The following COL28A1 variants were observed in gnomAD, a reference collection of about 807,000 sequenced individuals.
COL28A1 encodes the protein collagen alpha-1(XXVIII) chain.
A neutral mutation model predicts 150.2 loss-of-function variants in COL28A1; 161 were observed. That is an observed-to-expected ratio of 1.07 (90% CI 0.94 to 1.22). The LOEUF (loss-of-function observed/expected upper bound fraction) is 1.22, where lower values mean the gene tolerates loss of function less well. COL28A1 is among the 50% of genes most tolerant of loss of function. COL28A1 has a pLI of 0.00. For synonymous variants in COL28A1, 552 were observed against 469.7 expected (o/e 1.18, Z -2.26); for missense variants, 1,617 against 1,388.3 (o/e 1.16, Z -2.62).
At chr7:7,408,199 C>T (rs1783594082) in intron 27 of COL28A1, among the ~76,000 whole-genome samples, 2 of 152,070 alleles carry the variant, frequency 1.3e-5, no homozygotes, top group South Asian at 4.1e-4. Flanking sequence ...GAAAGTTGTT[C>T]TGAAGAACTG....
At position 7,532,855 on chromosome 7, in the gene COL28A1, G is replaced by T; in HGVS notation, c.21C>A (p.Val7=). The T allele has an allele frequency of 6.2e-7, 1 of 1,610,746 alleles. No individual in the cohort carries two copies. Among genetic ancestry groups the T allele is most frequent in the Non-Finnish European group, 8.5e-7 (1 of 1,178,784 alleles). ...ACGCTGACAAAAGCAGGAGATAGAA[G>T]ACAAAATATCTGTTCCACATTATGG... The part of the protein sequence containing the change: MWNRYF[V]FYLLLLSAFT... The change falls in exon 2 of 35, where the codon GTC becomes GTA. Residue 7 remains valine, a synonymous_variant. Transcript: ENST00000399429.
chr7:7,542,360 C>T, the COL28A1 span, among the ~76,000 whole-genome samples: 20 of 152,046 alleles, frequency 1.3e-4, no homozygotes, highest in South Asian at 4.2e-4. Context: ...AGAAAAGAGA[C>T]GGGTAGAAGA....
intron 1 of COL28A1, among the ~76,000 whole-genome samples, chr7:7,534,567 A>T (rs547364423): frequency 6.6e-6 from 1 of 152,282 alleles, no homozygotes; most frequent in East Asian, 1.9e-4. Context: ...TCTGGAAATA[A>T]GAGGCTGAGA....
chr7:7,404,191 A>C (rs1440760717), intron 27 of COL28A1, among the ~76,000 whole-genome samples: 1 of 152,140 alleles, frequency 6.6e-6, no homozygotes, highest in Non-Finnish European at 1.5e-5. Flanking sequence ...AGTCAGTGAA[A>C]GACACAAAAC....
At chr7:7,541,103 T>C in the COL28A1 span, among the ~76,000 whole-genome samples, 7 of 150,696 alleles carry the variant, frequency 4.6e-5, no homozygotes, top group African/African-American at 1.5e-4. Flanking sequence ...TTAAGTAACT[T>C]ATTATCCCAT....
chr7:7,381,655 G>A, intron 27 of COL28A1, 43 bp from the exon 28 acceptor site: 2 of 1,481,072 alleles, frequency 1.4e-6, no homozygotes, highest in African/African-American at 1.4e-5. Flanking sequence ...AATTTCCCAG[G>A]ATAGCTTGGC....
In COL28A1 at chr7:7,432,030, A is replaced by C. The variant is rs142803334; in HGVS notation, c.1998+443T>G. 1.1e-3 allele frequency among the ~76,000 whole-genome samples: 162 copies of C among 152,282 alleles called. 1 individual carries two copies. Among genetic ancestry groups the C allele is most frequent in the African/African-American group, 3.6e-3 (151 of 41,558 alleles). On this transcript the variant is annotated intron_variant, in intron 25 of 34. Transcript: ENST00000399429. The stretch of plus-strand genomic sequence containing the variant: ...CTTATTTTGGATTATTTTAAATTAG[A>C]GATGTTTGTGAGAAGCCCAAGAGGG...
Position 7,373,177 on chromosome 7 carries a change from C to A in COL28A1, c.2729G>T (p.Arg910Leu), listed in dbSNP as rs182575990. 6.2e-7 allele frequency: 1 copy of A among 1,614,210 alleles called. No individual in the cohort carries two copies. Among genetic ancestry groups the A allele is most frequent in the South Asian group, 1.1e-5 (1 of 91,080 alleles). The change falls in exon 32 of 35, where the codon CGT becomes CTT. Residue 910 changes from arginine (R) to leucine (L), a missense_variant. Physicochemically the swap from Arg to Leu is moderately radical, Grantham distance 102. Coordinates refer to ENST00000399429, the MANE Select transcript of COL28A1 (RefSeq NM_001037763.3). The surrounding 1 kb of genome is among the most constrained non-coding windows in gnomAD (Gnocchi z 4.1). ...LVITDGQTDS[R>L]DKEKLTEVVK... Reference sequence around the variant, plus strand: ...CACCTCTGTCAGTTTCTCTTTATCACGAGAATCTGTCTGTCCATCAGTGAT... The same window carrying A: ...CACCTCTGTCAGTTTCTCTTTATCAAGAGAATCTGTCTGTCCATCAGTGAT...
At chr7:7,478,405 T>C (rs1789099437) in intron 13 of COL28A1, among the ~76,000 whole-genome samples, 1 of 152,208 alleles carries the variant, frequency 6.6e-6, no homozygotes, top group African/African-American at 2.4e-5. Context: ...AGAGTGCTGA[T>C]TGGTGTATTT....
At chr7:7,524,158 G>C in intron 4 of COL28A1, 71 bp downstream of exon 4, 1 of 857,220 alleles carries the variant, frequency 1.2e-6, no homozygotes, top group Non-Finnish European at 2.0e-6. Flanking sequence ...CTTCTAATGT[G>C]AATTATAATG....
intron 4 of COL28A1, among the ~76,000 whole-genome samples, chr7:7,522,274 A>G (rs973663630): frequency 1.3e-5 from 2 of 152,238 alleles, no homozygotes; most frequent in Non-Finnish European, 2.9e-5. Context: ...TGTATAATAT[A>G]TAGATGCCAG....
At position 7,432,520 on chromosome 7, in the gene COL28A1, G is replaced by T. The variant is rs1221097411; in HGVS notation, c.1951C>A (p.Pro651Thr). The T allele has an allele frequency of 5.0e-6, 8 of 1,613,956 alleles. No individual in the cohort carries two copies. The highest frequency in any genetic ancestry group is 3.3e-5 in the Admixed American group (2 of 59,988). Reference protein sequence around the residue: ...GVPGPRGLPGPPGPMGLRGVG... With the variant: ...GVPGPRGLPGTPGPMGLRGVG... ...CCACGTAAACCCATCGGCCCAGGGGGTCCTGGTAATCCACGAGGTCCCTGA... is the reference window on the plus strand; with the variant it reads ...CCACGTAAACCCATCGGCCCAGGGGTTCCTGGTAATCCACGAGGTCCCTGA... Residue 651 changes from proline (P) to threonine (T), a missense_variant, in exon 25 of 35, where the codon CCC becomes ACC. By Grantham distance (38) the Pro-to-Thr change is conservative (BLOSUM62 -1). Coordinates refer to ENST00000399429, the MANE Select transcript of COL28A1 (RefSeq NM_001037763.3).
intron 27 of COL28A1, among the ~76,000 whole-genome samples, chr7:7,383,682 G>GTGTGTGTGTATA (rs1554262302): frequency 5.6e-5 from 7 of 124,098 alleles, no homozygotes; most frequent in African/African-American, 1.5e-4. Context: ...GTGTGTGTGT[G>GTGTGTGTGTATA]TATATATATA....
chr7:7,354,528 G>C (rs1365139462), downstream of COL28A1, among the ~76,000 whole-genome samples: 4 of 152,010 alleles, frequency 2.6e-5, no homozygotes, highest in Non-Finnish European at 5.9e-5. Flanking sequence ...GCTTATATAG[G>C]GTATTAGAGC....
intron 18 of COL28A1, among the ~76,000 whole-genome samples, chr7:7,449,385 C>A (rs1416850210): frequency 1.3e-5 from 2 of 151,582 alleles, no homozygotes. Flanking sequence ...TTGGTACAAC[C>A]AAAAAAGAAG....
At chr7:7,348,715 C>A in the COL28A1 span, among the ~76,000 whole-genome samples, 1 of 151,464 alleles carries the variant, frequency 6.6e-6, no homozygotes, top group Non-Finnish European at 1.5e-5. Flanking sequence ...GATTTGAGAC[C>A]TTTCTTCTTT....
At chr7:7,474,056 C>G (rs1788668986) in intron 15 of COL28A1, among the ~76,000 whole-genome samples, 1 of 139,956 alleles carries the variant, frequency 7.1e-6, no homozygotes, top group African/African-American at 2.7e-5. Flanking sequence ...ACTATATACT[C>G]TATATATATA....
chr7:7,347,956 T>A, the COL28A1 span, among the ~76,000 whole-genome samples: 1 of 152,062 alleles, frequency 6.6e-6, no homozygotes, highest in East Asian at 1.9e-4. Flanking sequence ...ATCTGATATG[T>A]ATCTTAGGAA....
At chr7:7,508,311 C>A (rs999488480) in intron 9 of COL28A1, among the ~76,000 whole-genome samples, 4 of 152,010 alleles carry the variant, frequency 2.6e-5, no homozygotes, top group African/African-American at 9.7e-5. Context: ...TAGGGAACTA[C>A]CATAATTTAT....
Sources: allele counts gnomAD v4.1 joint callset (sites outside exome capture counted in the v4.1 genomes callset), GRCh38; gene constraint gnomAD v4.1.1; non-coding constraint Gnocchi (gnomAD v3.1); transcripts MANE v1.5; gene names NCBI Gene and HGNC (gene_info 2026-07-23, HGNC 2026-07-21).